The following OXR1 variants were observed in gnomAD, a reference collection of about 807,000 sequenced individuals.
OXR1 encodes oxidation resistance protein 1.
A neutral mutation model predicts 104.6 loss-of-function variants in OXR1; 41 were observed. The observed-to-expected ratio is 0.39, with a 90% CI of 0.31 to 0.51. The LOEUF (loss-of-function observed/expected upper bound fraction) is 0.51. OXR1 is among the 20% of genes least tolerant of loss of function. The probability of loss-of-function intolerance (pLI) is 0.77; values close to 1 mark genes in which losing one functional copy is unlikely to be tolerated. For missense variants in OXR1, 955 were observed against 1,031.9 expected, an observed-to-expected ratio of 0.93 and a Z score of 1.02; for synonymous variants, 348 against 348.4, an observed-to-expected ratio of 1.00 and a Z score of 0.01.
At chr8:106,507,824 C>A (rs1670381) in intron 2 of OXR1, among the ~76,000 whole-genome samples, 78,181 of 151,954 alleles carry the variant, frequency 0.51, 22,970 homozygotes, top group Non-Finnish European at 0.66. Flanking sequence ...TTCCTTTGTG[C>A]GTAAAATAGA....
chr8:106,316,999 TAGCTGGGATTAC>T (rs1034390392), intron 1 of OXR1, among the ~76,000 whole-genome samples: 1 of 152,036 alleles, frequency 6.6e-6, no homozygotes, highest in Admixed American at 6.6e-5. Flanking sequence ...GCCTCCTGAG[TAGCTGGGATTAC>T]AGGCATGTGT....
At chr8:106,415,015 G>T (rs1159702277) in intron 2 of OXR1, among the ~76,000 whole-genome samples, 3 of 152,094 alleles carry the variant, frequency 2.0e-5, no homozygotes, top group Admixed American at 6.6e-5. Flanking sequence ...ACTGTGAGGG[G>T]TGATGGCCTG....
chr8:106,310,845 G>A (rs1813670195), intron 1 of OXR1, among the ~76,000 whole-genome samples: 1 of 152,014 alleles, frequency 6.6e-6, no homozygotes, highest in Non-Finnish European at 1.5e-5. Flanking sequence ...GAAGCTTTTA[G>A]GGATTTCTGT....
In OXR1 at chr8:106,399,350, A is replaced by G. The variant is rs138152746; in HGVS notation, c.23+39714A>G. Among the ~76,000 whole-genome samples, 1,208 of 152,322 alleles carry G rather than the reference A, an allele frequency of 7.9e-3. 19 individuals carry two copies. Among genetic ancestry groups the G allele is most frequent in the African/African-American group, 0.028 (1,146 of 41,588 alleles). On this transcript the variant is annotated intron_variant, in intron 2 of 16. Coordinates refer to ENST00000517566, the MANE Select transcript of OXR1 (RefSeq NM_001198533.2). Reference sequence around the variant, plus strand: ...ACAATAGCAATCCTAGCATTTCATCATCACTATTTGATTGAGCTCCCAGCT... The same window carrying G: ...ACAATAGCAATCCTAGCATTTCATCGTCACTATTTGATTGAGCTCCCAGCT...
intron 2 of OXR1, among the ~76,000 whole-genome samples, chr8:106,387,760 C>A (rs1247378205): frequency 6.6e-6 from 1 of 152,120 alleles, no homozygotes; most frequent in Non-Finnish European, 1.5e-5. Flanking sequence ...CAAGTGCATT[C>A]GATTTTCCAG....
intron 2 of OXR1, among the ~76,000 whole-genome samples, chr8:106,420,422 A>G (rs550621607): frequency 9.9e-5 from 15 of 151,964 alleles, no homozygotes; most frequent in African/African-American, 3.6e-4. Context: ...TTCAGTTCCA[A>G]TTTTACAGTT....
intron 2 of OXR1, among the ~76,000 whole-genome samples, chr8:106,487,668 C>T (rs369882754): frequency 0.1 from 15,041 of 146,326 alleles, 798 homozygotes; most frequent in African/African-American, 0.14. Context: ...TGAGAATATG[C>T]GGTGTTTGGT....
intron 1 of OXR1, among the ~76,000 whole-genome samples, chr8:106,354,369 C>T (rs1055303395): frequency 9.9e-5 from 15 of 152,108 alleles, no homozygotes; most frequent in African/African-American, 3.4e-4. Context: ...TCTCTTCATA[C>T]CTCATGCATT....
At chr8:106,670,821 A>G (rs1240391859) in intron 3 of OXR1, among the ~76,000 whole-genome samples, 1 of 152,072 alleles carries the variant, frequency 6.6e-6, no homozygotes, top group East Asian at 1.9e-4. Flanking sequence ...GATGAGAGAT[A>G]GAATGGGCAA....
At chr8:106,314,975 A>G (rs1209911504) in intron 1 of OXR1, among the ~76,000 whole-genome samples, 2 of 152,202 alleles carry the variant, frequency 1.3e-5, no homozygotes, top group African/African-American at 4.8e-5. Context: ...TGAAGATAAT[A>G]TAAAAGGTGT....
intron 2 of OXR1, among the ~76,000 whole-genome samples, chr8:106,361,439 CA>C (rs1816240524): frequency 6.6e-6 from 1 of 152,138 alleles, no homozygotes; most frequent in African/African-American, 2.4e-5. Context: ...TTACCAGTGT[CA>C]CCCCCACCAT....
chr8:106,526,791 C>T (rs574343326), intron 3 of OXR1, among the ~76,000 whole-genome samples: 2 of 152,216 alleles, frequency 1.3e-5, no homozygotes, highest in African/African-American at 4.8e-5. Flanking sequence ...GATGCGCCCC[C>T]CTCTGCCTCC....
intron 3 of OXR1, among the ~76,000 whole-genome samples, chr8:106,618,962 G>A (rs1821468201): frequency 6.6e-6 from 1 of 151,734 alleles, no homozygotes; most frequent in Admixed American, 6.6e-5. Flanking sequence ...ACTTTTAAAT[G>A]GAAGGAATAA....
chr8:106,577,378 CTTTTTTTTTTTTT>C (rs5893798), intron 3 of OXR1, among the ~76,000 whole-genome samples: 4 of 43,574 alleles, frequency 9.2e-5, no homozygotes, highest in Non-Finnish European at 1.2e-4. Context: ...GCCCAGCTAA[CTTTTTTTTTTTTT>C]TTTTTTTTTT....
chr8:106,653,035 CA>C (rs1824729647), intron 3 of OXR1, among the ~76,000 whole-genome samples: 1 of 121,948 alleles, frequency 8.2e-6, no homozygotes, highest in Admixed American at 8.1e-5. Context: ...CCTAGAAAGA[CA>C]AAACTACCAA....
At chr8:106,517,536 A>G (rs1812940390) in intron 2 of OXR1, among the ~76,000 whole-genome samples, 1 of 151,950 alleles carries the variant, frequency 6.6e-6, no homozygotes, top group East Asian at 1.9e-4. Flanking sequence ...ATATATTGCC[A>G]GACATTTTTC....
intron 3 of OXR1, among the ~76,000 whole-genome samples, chr8:106,563,313 AAG>A (rs1322911800): frequency 3.1e-4 from 47 of 149,368 alleles, no homozygotes; most frequent in Admixed American, 6.7e-5. Context: ...AAAAAAAAAA[AAG>A]AAAAAAAAAG....
At chr8:106,631,090 G>C (rs1822646202) in intron 3 of OXR1, among the ~76,000 whole-genome samples, 1 of 152,214 alleles carries the variant, frequency 6.6e-6, no homozygotes, top group Admixed American at 6.5e-5. Context: ...GTGAGTGGTT[G>C]AGAGAGGAGA....
chr8:106,618,140 A>C (rs1017387249), intron 3 of OXR1: 1 of 1,535,986 alleles, frequency 6.5e-7, no homozygotes, highest in Non-Finnish European at 8.7e-7. Context: ...CTAGCTGAGC[A>C]AGGTTCGAAG....
Sources: gnomAD v4.1 joint callset for allele counts (sites outside exome capture counted in the v4.1 genomes callset) on GRCh38, gnomAD v4.1.1 for gene constraint, MANE v1.5 for transcripts, NCBI Gene and HGNC (gene_info 2026-07-23, HGNC 2026-07-21) for gene names.